MCPH1: variants seen among roughly 807,000 people sequenced by gnomAD.
MCPH1 encodes microcephalin 1, also known as microcephalin.
In MCPH1, 104 loss-of-function variants were observed where a neutral mutation model predicts 84.5. The observed-to-expected ratio is 1.23, with a 90% CI of 1.05 to 1.45. The LOEUF is 1.45. Among genes scored for constraint, MCPH1 ranks in the 40% most tolerant of loss-of-function variants. The pLI, the probability that MCPH1 is intolerant of heterozygous loss-of-function variation, is 0.00. For missense variants in MCPH1, 1,498 were observed against 1,005.7 expected (o/e 1.49, Z -6.62); for synonymous variants, 514 against 366.8 (o/e 1.40, Z -4.58).
At position 6,407,905 on chromosome 8, in the gene MCPH1, T is replaced by G. The variant is rs527886183; in HGVS notation, c.22+1216T>G. ...TTTTAAAAAAAGGTCAAATGAAAAA[T>G]TATATCACATTCACATTTCCTTCTC... On this transcript the variant is annotated intron_variant, in intron 1 of 13. Coordinates refer to ENST00000344683, the MANE Select transcript of MCPH1 (RefSeq NM_024596.5). Among the ~76,000 whole-genome samples, 6 of 152,238 alleles carry G rather than the reference T, an allele frequency of 3.9e-5. No individual in the cohort carries two copies. In the South Asian group the frequency reaches 1.2e-3, roughly 32 times the overall value.
intron 5 of MCPH1, among the ~76,000 whole-genome samples, chr8:6,437,649 C>G (rs1039451149): frequency 6.6e-6 from 1 of 152,192 alleles, no homozygotes; most frequent in African/African-American, 2.4e-5. Flanking sequence ...ATGCTCAGCC[C>G]TCCCGCTGCC....
chr8:6,524,781 A>T (rs531525538), intron 12 of MCPH1, among the ~76,000 whole-genome samples: 1 of 152,358 alleles, frequency 6.6e-6, no homozygotes, highest in East Asian at 1.9e-4. Flanking sequence ...TAAGGTCTGT[A>T]AATAGAAGTT....
At chr8:6,523,623 G>A (rs1344760423) in intron 12 of MCPH1, among the ~76,000 whole-genome samples, 5 of 152,166 alleles carry the variant, frequency 3.3e-5, no homozygotes, top group Middle Eastern at 6.8e-3. Flanking sequence ...GGAGTCTCGC[G>A]CTGTGGCCTG....
chr8:6,416,839 C>G (rs1168935641), intron 3 of MCPH1, among the ~76,000 whole-genome samples: 1 of 151,880 alleles, frequency 6.6e-6, no homozygotes, highest in Non-Finnish European at 1.5e-5. Context: ...ATTAAAAATA[C>G]AAAAATTAGC....
intron 12 of MCPH1, among the ~76,000 whole-genome samples, chr8:6,608,617 G>A (rs545083548): frequency 1.3e-5 from 2 of 152,078 alleles, no homozygotes; most frequent in Non-Finnish European, 1.5e-5. Context: ...ATTCTCATTC[G>A]GTCCTTTGCT....
At chr8:6,409,011 A>T (rs895602681) in intron 1 of MCPH1, among the ~76,000 whole-genome samples, 2 of 151,244 alleles carry the variant, frequency 1.3e-5, no homozygotes, top group African/African-American at 4.9e-5. Flanking sequence ...TCAGCCTCCC[A>T]GTAGCTGGGA....
intron 11 of MCPH1, among the ~76,000 whole-genome samples, chr8:6,497,262 C>G (rs1380285109): frequency 6.6e-6 from 1 of 151,478 alleles, no homozygotes; most frequent in Non-Finnish European, 1.5e-5. Flanking sequence ...AGGTGGATCA[C>G]TTGAGGTCAT....
chr8:6,603,748 C>T (rs768178336), intron 12 of MCPH1, among the ~76,000 whole-genome samples: 1 of 152,164 alleles, frequency 6.6e-6, no homozygotes, highest in Non-Finnish European at 1.5e-5. Context: ...AGGATCCAAA[C>T]TGGGACTTAG....
intron 12 of MCPH1, among the ~76,000 whole-genome samples, chr8:6,538,788 C>T (rs140548316): frequency 6.6e-6 from 1 of 152,268 alleles, no homozygotes; most frequent in East Asian, 1.9e-4. Context: ...TGAACAGAAT[C>T]CTCAAACTCT....
chr8:6,478,374 G>T (rs1429559510), intron 10 of MCPH1, among the ~76,000 whole-genome samples: 2 of 152,074 alleles, frequency 1.3e-5, no homozygotes, highest in African/African-American at 2.4e-5. Context: ...AATATATTAT[G>T]AAATATATTG....
rs1253464973 is a variant in MCPH1 at position 6,505,327 on chromosome 8, A to ATATT, written c.2214+5398_2214+5399insTATT. 6.2e-3 allele frequency among the ~76,000 whole-genome samples: 352 copies of ATATT among 56,802 alleles called. 59 individuals carry two copies. Among genetic ancestry groups the ATATT allele is most frequent in the African/African-American group, 0.033 (341 of 10,210 alleles). The allele number at this position is 56,802 out of a possible 152,430, so 37.3% of individuals were successfully genotyped here. A position where few individuals can be genotyped will look rare whatever the true frequency, so the allele number is the denominator to read the frequency against. On this transcript the variant is annotated intron_variant, in intron 12 of 13. Coordinates refer to ENST00000344683, the MANE Select transcript of MCPH1 (RefSeq NM_024596.5). Reference sequence around the variant, plus strand: ...TGTATATAACATATATATGTTATATACATATAGAAAGAATATATATATTCT... The same window carrying ATATT: ...TGTATATAACATATATATGTTATATATATTCATATAGAAAGAATATATATATTCT...
chr8:6,413,389 G>A (rs773305038), intron 2 of MCPH1, among the ~76,000 whole-genome samples: 2 of 149,998 alleles, frequency 1.3e-5, no homozygotes, highest in Admixed American at 6.7e-5. Context: ...TGCTGTTTTC[G>A]TTCTTGTGCT....
At chr8:6,626,231 G>A in intron 13 of MCPH1, 1 of 985,412 alleles carries the variant, frequency 1.0e-6, no homozygotes, top group Non-Finnish European at 1.2e-6. Context: ...GAGTGGAGGT[G>A]TGAAGTCACT....
chr8:6,473,788 A>G (rs937975951), intron 9 of MCPH1: 4 of 984,376 alleles, frequency 4.1e-6, no homozygotes, highest in Middle Eastern at 2.3e-4. Flanking sequence ...AATTTCTATG[A>G]TGTCAGCAGA....
At chr8:6,450,331 A>C (rs1388839635) in intron 8 of MCPH1, among the ~76,000 whole-genome samples, 1 of 152,010 alleles carries the variant, frequency 6.6e-6, no homozygotes, top group East Asian at 1.9e-4. Context: ...TCTGTCCTTT[A>C]GTGCAGTGTC....
At chr8:6,478,497 T>C (rs1261856639) in intron 10 of MCPH1, among the ~76,000 whole-genome samples, 2 of 152,234 alleles carry the variant, frequency 1.3e-5, no homozygotes, top group Non-Finnish European at 2.9e-5. Context: ...CTGCTTATTT[T>C]CTCATTCAAG....
At position 6,445,003 on chromosome 8, in the gene MCPH1, G is replaced by T. The variant is rs754200749; in HGVS notation, c.1281G>T (p.Glu427Asp). The change falls in exon 8 of 14, where the codon GAG becomes GAT. Residue 427 changes from glutamate (E) to aspartate (D), a missense_variant. Coordinates refer to ENST00000344683, the MANE Select transcript of MCPH1 (RefSeq NM_024596.5). ...ATAATCTTAAGGAAAGGTATTCAGAGAATCTTCCTCCTGAATCTCAGCTGC... is the reference window on the plus strand; with the variant it reads ...ATAATCTTAAGGAAAGGTATTCAGATAATCTTCCTCCTGAATCTCAGCTGC... Reference protein sequence around the residue: ...SPDNLKERYSENLPPESQLPS... With the variant: ...SPDNLKERYSDNLPPESQLPS... The T allele has an allele frequency of 3.7e-6, 6 of 1,614,082 alleles. No homozygotes were observed. In the Admixed American group the frequency reaches 1.0e-4, roughly 27 times the overall value.
intron 12 of MCPH1, among the ~76,000 whole-genome samples, chr8:6,601,258 G>C (rs937731921): frequency 1.3e-5 from 2 of 152,176 alleles, no homozygotes; most frequent in Non-Finnish European, 2.9e-5. Context: ...CTGGAAAACA[G>C]TTCTCATCAG....
chr8:6,623,682 A>G lies in MCPH1; in HGVS notation c.2452+1991A>G, dbSNP rs1466909729. On this transcript the variant is annotated intron_variant, in intron 13 of 13. Transcript: ENST00000344683. ...GTAATTCATCTTTTGCCTGGAAACC[A>G]ACTTCCAAAAAAAAAAAAAAAAAAA... Among the ~76,000 whole-genome samples the G allele has an allele frequency of 1.1e-4, 14 of 122,114 alleles. No homozygotes were observed. The Admixed American group carries it at 1.3e-3, about 12-fold the overall frequency. 80.1% of individuals were successfully genotyped at this position (122,114 alleles called of 152,430 possible).
Sources: allele counts gnomAD v4.1 joint callset (sites outside exome capture counted in the v4.1 genomes callset), GRCh38; gene constraint gnomAD v4.1.1; transcripts MANE v1.5; gene names NCBI Gene and HGNC (gene_info 2026-07-23, HGNC 2026-07-21).